The following ATP9A variants were observed in gnomAD, a reference collection of about 807,000 sequenced individuals.
The protein encoded by ATP9A is ATPase phospholipid transporting 9A, also known as probable phospholipid-transporting ATPase IIA.
Under a neutral mutation model 144.1 loss-of-function variants are expected in ATP9A, and 52 were observed. The ratio of observed to expected loss-of-function variants is 0.36; its 90% confidence interval spans 0.29 to 0.45. The LOEUF (loss-of-function observed/expected upper bound fraction) is 0.45. Among genes scored for constraint, ATP9A ranks in the 20% least tolerant of loss-of-function variants. The pLI is 1.00. For synonymous variants in ATP9A, 582 were observed against 557.4 expected (o/e 1.04, Z -0.62); for missense variants, 947 against 1,392.7 (o/e 0.68, Z 5.09).
At chr20:51,697,776 G>A (rs2077576886) in intron 4 of ATP9A, among the ~76,000 whole-genome samples, 1 of 152,076 alleles carries the variant, frequency 6.6e-6, no homozygotes, top group Non-Finnish European at 1.5e-5. Flanking sequence ...GTAGTGGGGG[G>A]AAAAAAGTCT....
intron 11 of ATP9A, 52 bp from the exon 12 acceptor site, chr20:51,671,309 TG>T: frequency 6.3e-7 from 1 of 1,580,902 alleles, no homozygotes; most frequent in Non-Finnish European, 8.7e-7. Context: ...TAAGGCTCCT[TG>T]TATCTTTATA....
chr20:51,749,246 A>G (rs1318495371), intron 1 of ATP9A, among the ~76,000 whole-genome samples: 4 of 152,146 alleles, frequency 2.6e-5, no homozygotes, highest in African/African-American at 9.7e-5. Flanking sequence ...GTTGTTATAT[A>G]CTGACACGGA....
intron 2 of ATP9A, among the ~76,000 whole-genome samples, chr20:51,726,271 C>G (rs8124080): frequency 0.074 from 10,124 of 137,288 alleles, 801 homozygotes; most frequent in African/African-American, 0.21. Context: ...CAAGATCGCA[C>G]CATTGCACTC....
Position 51,599,318 on chromosome 20 carries a change from T to C in ATP9A, c.*1893A>G, listed in dbSNP as rs2077132519. 6.6e-6 allele frequency: 1 copy of C among 152,246 alleles called. No homozygotes were observed. Among genetic ancestry groups the C allele is most frequent in the African/African-American group, 2.4e-5 (1 of 41,454 alleles). The allele number at this position is 152,246 out of a possible 1,614,324, so 9.4% of individuals were successfully genotyped here. ...AAGACTTGCCAGTGTTACAGACTGA[T>C]TTCCAAGAAAACGGAGGCTTAAAAA... On this transcript the variant is annotated 3_prime_UTR_variant, in exon 28 of 28. Transcript: ENST00000338821.
At position 51,601,049 on chromosome 20, in the gene ATP9A, G is replaced by A. The variant is rs542231035; in HGVS notation, c.*162C>T. 107 of 798,938 alleles carry A rather than the reference G, an allele frequency of 1.3e-4. 1 individual carries two copies. The African/African-American group carries it at 1.7e-3, about 13-fold the overall frequency. The allele number at this position is 798,938 out of a possible 1,614,324, so 49.5% of individuals were successfully genotyped here. A position where few individuals can be genotyped will look rare whatever the true frequency, so the allele number is the denominator to read the frequency against. ...TTTCAGGACCCTCCCTCCCGTTGAT[G>A]CAGCGTTAGGACTCCGTTTAGGCGC... On this transcript the variant is annotated 3_prime_UTR_variant, in exon 28 of 28. Transcript: ENST00000338821.
At chr20:51,678,017 C>T (rs1228076451) in intron 9 of ATP9A, among the ~76,000 whole-genome samples, 1 of 151,606 alleles carries the variant, frequency 6.6e-6, no homozygotes, top group Non-Finnish European at 1.5e-5. Flanking sequence ...AAAATCAACA[C>T]AGCAGGAAAG....
rs1464799590 is a variant in ATP9A at position 51,653,084 on chromosome 20, T to G, written c.1506+3854A>C. Reference sequence around the variant, plus strand: ...GAGATCACGCCACTGCACTCCAGCCTGGGTGACAGAGCAAGACTCCGTCTC... The same window carrying G: ...GAGATCACGCCACTGCACTCCAGCCGGGGTGACAGAGCAAGACTCCGTCTC... On this transcript the variant is annotated intron_variant, in intron 14 of 27. Transcript: ENST00000338821. 2.1e-5 allele frequency among the ~76,000 whole-genome samples: 3 copies of G among 143,692 alleles called. No homozygotes were observed. The East Asian group carries it at 6.4e-4, about 30-fold the overall frequency. 94.3% of individuals were successfully genotyped at this position (143,692 alleles called of 152,430 possible).
chr20:51,683,296 G>A lies in ATP9A; in HGVS notation c.799+5768C>T, dbSNP rs544077113. ...TTTATTTTTTTTGAGACGGAGTCTC[G>A]CTCTGTCGCCCAGGCTGGAGTGCAG... On this transcript the variant is annotated intron_variant, in intron 9 of 27. Transcript: ENST00000338821. 3.8e-3 allele frequency among the ~76,000 whole-genome samples: 573 copies of A among 151,742 alleles called. 5 individuals are homozygous for A. The highest frequency in any genetic ancestry group is 0.013 in the African/African-American group (552 of 41,408).
chr20:51,659,177 C>A (rs1469050999), intron 13 of ATP9A, among the ~76,000 whole-genome samples: 1 of 152,198 alleles, frequency 6.6e-6, no homozygotes, highest in South Asian at 2.1e-4. Context: ...CTCAAAGAGG[C>A]TCTTCCTGGG....
In ATP9A at chr20:51,610,121, A is replaced by G; in HGVS notation, c.2616T>C (p.Tyr872=). The G allele has an allele frequency of 1.9e-6, 3 of 1,608,230 alleles. No homozygotes were observed. Among genetic ancestry groups the G allele is most frequent in the Non-Finnish European group, 2.6e-6 (3 of 1,174,640 alleles). ...SVFYFASVPL[Y]QGFLIIGYST... Reference sequence around the variant, plus strand: ...CTTACCCAATGATGAGGAATCCTTGATAGAGAGGGACGGAGGCAAAGTAAA... The same window carrying G: ...CTTACCCAATGATGAGGAATCCTTGGTAGAGAGGGACGGAGGCAAAGTAAA... The change falls in exon 24 of 28, where the codon TAT becomes TAC. Residue 872 remains tyrosine (Y), a synonymous_variant. Transcript: ENST00000338821.
In ATP9A at chr20:51,611,192, C is replaced by A. The variant is rs1322781095; in HGVS notation, c.2572-1027G>T. Among the ~76,000 whole-genome samples, 2 of 152,194 alleles carry A rather than the reference C, an allele frequency of 1.3e-5. No homozygotes were observed. The highest frequency in any genetic ancestry group is 3.9e-4 in the East Asian group (2 of 5,194). On this transcript the variant is annotated intron_variant, in intron 23 of 27. Coordinates refer to ENST00000338821, the MANE Select transcript of ATP9A (RefSeq NM_006045.3). The surrounding 1 kb of genome is among the most constrained non-coding windows in gnomAD (Gnocchi z 4.2). ...AGACCAGGGCTAGCTCCCCAGAGCA[C>A]CTTCAATGGACACAGAGAGAAAGCA...
In ATP9A at chr20:51,638,093, A is replaced by AAG. The variant is rs1288209585; in HGVS notation, c.1668+1249_1668+1250insCT. 7.5e-5 allele frequency among the ~76,000 whole-genome samples: 4 copies of AAG among 53,010 alleles called. 1 individual carries two copies. Among genetic ancestry groups the AAG allele is most frequent in the African/African-American group, 2.4e-4 (4 of 16,342 alleles). 34.8% of individuals were successfully genotyped at this position (53,010 alleles called of 152,430 possible). ...ATTTTATATATATATATATATATAT[A>AAG]TATATATATATATATATATATATAT... On this transcript the variant is annotated intron_variant, in intron 15 of 27. Transcript: ENST00000338821.
At chr20:51,680,817 C>A (rs1175068851) in intron 9 of ATP9A, among the ~76,000 whole-genome samples, 1 of 152,210 alleles carries the variant, frequency 6.6e-6, no homozygotes, top group South Asian at 2.1e-4. Flanking sequence ...CAGTGAGATG[C>A]AGGGGAAACT....
intron 26 of ATP9A, among the ~76,000 whole-genome samples, chr20:51,606,092 AC>A (rs1400498796): frequency 2.0e-5 from 3 of 150,978 alleles, no homozygotes; most frequent in South Asian, 2.1e-4. Flanking sequence ...ACATGGTGAA[AC>A]CCCCGCCTCT....
Position 51,618,798 on chromosome 20 carries a change from G to A in ATP9A, c.2214C>T (p.Leu738=). Residue 738 remains leucine (L), a synonymous_variant, in exon 21 of 28, where the codon CTC becomes CTT. Coordinates refer to ENST00000338821, the MANE Select transcript of ATP9A (RefSeq NM_006045.3). ...VISGDSLEVC[L]KYYEYEFMEL... Reference sequence around the variant, plus strand: ...CCATGAACTCGTACTCATAGTACTTGAGGCAAACCTGCAGGGTGGAGGGAG... The same window carrying A: ...CCATGAACTCGTACTCATAGTACTTAAGGCAAACCTGCAGGGTGGAGGGAG... The A allele has an allele frequency of 6.3e-7, 1 of 1,591,888 alleles. No individual in the cohort carries two copies. The highest frequency in any genetic ancestry group is 1.1e-5 in the South Asian group (1 of 87,856).
chr20:51,596,565 T>C lies in ATP9A; in HGVS notation c.*4646A>G, dbSNP rs1052979915. 1 of 152,162 alleles carries C rather than the reference T, an allele frequency of 6.6e-6. No homozygotes were observed. Among genetic ancestry groups the C allele is most frequent in the African/African-American group, 2.4e-5 (1 of 41,428 alleles). 9.4% of individuals were successfully genotyped at this position (152,162 alleles called of 1,614,324 possible). ...TATCACCTTTTGAAATTCTGACACGTCTGGGATGGACAATAGTACAAAATA... is the reference window on the plus strand; with the variant it reads ...TATCACCTTTTGAAATTCTGACACGCCTGGGATGGACAATAGTACAAAATA... On this transcript the variant is annotated 3_prime_UTR_variant, in exon 28 of 28. Coordinates refer to ENST00000338821, the MANE Select transcript of ATP9A (RefSeq NM_006045.3).
At chr20:51,723,251 A>G (rs958523358) in intron 3 of ATP9A, among the ~76,000 whole-genome samples, 12 of 152,122 alleles carry the variant, frequency 7.9e-5, no homozygotes, top group Admixed American at 5.2e-4. Flanking sequence ...GACTTGGGGA[A>G]AAGAGTGGGG....
At chr20:51,740,889 T>C (rs2077782053) in intron 1 of ATP9A, among the ~76,000 whole-genome samples, 1 of 152,030 alleles carries the variant, frequency 6.6e-6, no homozygotes, top group African/African-American at 2.4e-5. Flanking sequence ...TTCTAATGTT[T>C]AAAGAGTACA....
intron 15 of ATP9A, among the ~76,000 whole-genome samples, chr20:51,630,656 G>A (rs2077266453): frequency 6.6e-6 from 1 of 152,026 alleles, no homozygotes; most frequent in African/African-American, 2.4e-5. Flanking sequence ...AGCTGAGATT[G>A]CACCATTGCT....
Sources: allele counts gnomAD v4.1 joint callset (sites outside exome capture counted in the v4.1 genomes callset), GRCh38; gene constraint gnomAD v4.1.1; non-coding constraint Gnocchi (gnomAD v3.1); transcripts MANE v1.5; gene names NCBI Gene and HGNC (gene_info 2026-07-23, HGNC 2026-07-21).